The following ADGRB3 variants were observed in gnomAD, a reference collection of about 807,000 sequenced individuals.
ADGRB3 encodes adhesion G protein-coupled receptor B3, also known as brain-specific angiogenesis inhibitor 3.
A neutral mutation model predicts 193.4 loss-of-function variants in ADGRB3; 37 were observed. The ratio of observed to expected loss-of-function variants is 0.19; its 90% CI spans 0.15 to 0.25. ADGRB3 has a LOEUF of 0.25. Among genes scored for constraint, ADGRB3 ranks in the 10% least tolerant of loss-of-function variants. ADGRB3 has a pLI of 1.00. For missense variants in ADGRB3, 1,637 were observed against 1,852.9 expected, an observed-to-expected ratio of 0.88 and a Z score of 2.14; for synonymous variants, 690 against 644.2, an observed-to-expected ratio of 1.07 and a Z score of -1.08.
intron 11 of ADGRB3, among the ~76,000 whole-genome samples, chr6:69,006,003 C>T (rs1034775606): frequency 6.6e-6 from 1 of 152,142 alleles, no homozygotes; most frequent in African/African-American, 2.4e-5. Flanking sequence ...TAAAAGGTCT[C>T]AACCATGGTA....
chr6:68,997,224 C>T (rs1045674038), intron 11 of ADGRB3, among the ~76,000 whole-genome samples: 1 of 151,962 alleles, frequency 6.6e-6, no homozygotes, highest in African/African-American at 2.4e-5. Context: ...GAATGTACTC[C>T]AATAAACATA....
chr6:69,059,082 CTATT>C (rs1390333500), intron 15 of ADGRB3, among the ~76,000 whole-genome samples: 1 of 151,940 alleles, frequency 6.6e-6, no homozygotes, highest in Non-Finnish European at 1.5e-5. Flanking sequence ...TATATTGTTA[CTATT>C]TATTTCTTTC....
chr6:69,333,086 G>A (rs550639256), intron 24 of ADGRB3, 78 bp downstream of exon 24: 233 of 1,463,022 alleles, frequency 1.6e-4, no homozygotes, highest in Admixed American at 1.4e-3. Context: ...CACTGACTGC[G>A]TTTGACTCTG....
At chr6:69,182,469 A>G (rs1775611866) in intron 17 of ADGRB3, among the ~76,000 whole-genome samples, 1 of 151,434 alleles carries the variant, frequency 6.6e-6, no homozygotes, top group African/African-American at 2.4e-5. Context: ...CTTCTGAGGA[A>G]CCTAGAGCTG....
intron 3 of ADGRB3, among the ~76,000 whole-genome samples, chr6:68,893,413 G>T (rs530050439): frequency 6.6e-6 from 1 of 151,618 alleles, no homozygotes; most frequent in South Asian, 2.1e-4. Context: ...TATCTTTAAA[G>T]TTAAATATAA....
chr6:68,651,800 T>C (rs1768372561), intron 3 of ADGRB3, among the ~76,000 whole-genome samples: 1 of 152,112 alleles, frequency 6.6e-6, no homozygotes, highest in Non-Finnish European at 1.5e-5. Flanking sequence ...CTTCCTATAT[T>C]GGTAGGAGAG....
At chr6:68,814,817 C>G (rs527745655) in intron 3 of ADGRB3, among the ~76,000 whole-genome samples, 44 of 152,218 alleles carry the variant, frequency 2.9e-4, no homozygotes, top group Non-Finnish European at 5.1e-4. Context: ...CCCTGGGATG[C>G]AAGGCTGTTT....
intron 3 of ADGRB3, among the ~76,000 whole-genome samples, chr6:68,749,132 A>G (rs1025783905): frequency 1.3e-5 from 2 of 152,166 alleles, no homozygotes; most frequent in Non-Finnish European, 2.9e-5. Flanking sequence ...AGGGGCTGCC[A>G]TGAAGGTCTC....
At chr6:68,880,376 T>C (rs1765701302) in intron 3 of ADGRB3, among the ~76,000 whole-genome samples, 1 of 152,232 alleles carries the variant, frequency 6.6e-6, no homozygotes, top group Non-Finnish European at 1.5e-5. Context: ...CTACTGTCAC[T>C]TTAATAAAGG....
chr6:68,926,017 A>G (rs1054259947), intron 3 of ADGRB3, among the ~76,000 whole-genome samples: 18 of 152,222 alleles, frequency 1.2e-4, no homozygotes, highest in African/African-American at 3.6e-4. Flanking sequence ...AATTTTGACC[A>G]TCATAATCAT....
chr6:69,246,516 C>T (rs1475163726), intron 20 of ADGRB3, among the ~76,000 whole-genome samples: 1 of 152,056 alleles, frequency 6.6e-6, no homozygotes, highest in Non-Finnish European at 1.5e-5. Flanking sequence ...AGATGATTTC[C>T]CAAAACAGAT....
At chr6:68,872,666 T>G (rs907431513) in intron 3 of ADGRB3, among the ~76,000 whole-genome samples, 1 of 152,138 alleles carries the variant, frequency 6.6e-6, no homozygotes, top group Non-Finnish European at 1.5e-5. Context: ...TTTATCTCAT[T>G]TGAATTCAGT....
At chr6:68,903,811 A>G (rs1019517732) in intron 3 of ADGRB3, among the ~76,000 whole-genome samples, 5 of 151,800 alleles carry the variant, frequency 3.3e-5, no homozygotes, top group African/African-American at 1.2e-4. Context: ...AGGAGAGACC[A>G]ACCTGGGCAA....
chr6:68,845,012 G>T (rs1254986045), intron 3 of ADGRB3, among the ~76,000 whole-genome samples: 1 of 152,030 alleles, frequency 6.6e-6, no homozygotes, highest in Non-Finnish European at 1.5e-5. Flanking sequence ...GATGGCTAAT[G>T]CATACAAAAA....
chr6:68,777,938 C>G (rs1224979762), intron 3 of ADGRB3, among the ~76,000 whole-genome samples: 1 of 151,828 alleles, frequency 6.6e-6, no homozygotes, highest in African/African-American at 2.4e-5. Flanking sequence ...AAAACCATCC[C>G]GATCTAGTAA....
At chr6:69,382,150 T>A (rs915946399) in intron 30 of ADGRB3, among the ~76,000 whole-genome samples, 5 of 151,844 alleles carry the variant, frequency 3.3e-5, no homozygotes, top group Non-Finnish European at 5.9e-5. Flanking sequence ...TATATTTGTA[T>A]CTGTGATTTT....
intron 3 of ADGRB3, among the ~76,000 whole-genome samples, chr6:68,837,833 T>C (rs1038998162): frequency 2.0e-5 from 3 of 152,208 alleles, no homozygotes; most frequent in Non-Finnish European, 2.9e-5. Flanking sequence ...CTCACTTTCT[T>C]CAAGGAGAAT....
chr6:69,266,386 C>T (rs971076150), intron 20 of ADGRB3, among the ~76,000 whole-genome samples: 1 of 151,828 alleles, frequency 6.6e-6, no homozygotes, highest in Non-Finnish European at 1.5e-5. Flanking sequence ...GGAAAATAGC[C>T]TCAAGTCTCT....
At chr6:68,649,758 G>A (rs1052494646) in intron 3 of ADGRB3, among the ~76,000 whole-genome samples, 2 of 152,182 alleles carry the variant, frequency 1.3e-5, no homozygotes, top group African/African-American at 2.4e-5. Flanking sequence ...TAGCATTGAA[G>A]GTGAGAAATG....
Sources: allele counts gnomAD v4.1 joint callset (sites outside exome capture counted in the v4.1 genomes callset), GRCh38; gene constraint gnomAD v4.1.1; transcripts MANE v1.5; gene names NCBI Gene and HGNC (gene_info 2026-07-23, HGNC 2026-07-21).